DPY19L2: variants seen among roughly 807,000 people sequenced by gnomAD.
DPY19L2 encodes dpy-19 like 2.
DPY19L2 carries 34 observed loss-of-function variants against 97.9 expected under a neutral mutation model. That is an observed-to-expected ratio of 0.35 (90% CI 0.26 to 0.46). DPY19L2 has a LOEUF of 0.46. Among genes scored for constraint, DPY19L2 ranks in the 20% least tolerant of loss-of-function variants. DPY19L2 has a pLI of 1.00. For synonymous variants in DPY19L2, 230 were observed against 307.9 expected, an observed-to-expected ratio of 0.75 and a Z score of 2.65; for missense variants, 623 against 911.4, an observed-to-expected ratio of 0.68 and a Z score of 4.07.
At chr12:63,563,798 C>G (rs1243678270) in intron 21 of DPY19L2, among the ~76,000 whole-genome samples, 1 of 151,970 alleles carries the variant, frequency 6.6e-6, no homozygotes, top group Non-Finnish European at 1.5e-5. Context: ...AGTAATCCCT[C>G]CTTTTGAATT....
chr12:63,610,116 CTATCTT>C (rs1886698146), intron 11 of DPY19L2, among the ~76,000 whole-genome samples: 1 of 146,108 alleles, frequency 6.8e-6, no homozygotes, highest in South Asian at 2.2e-4. Flanking sequence ...AGGCAAAAGA[CTATCTT>C]TAATATAAGA....
intron 4 of DPY19L2, among the ~76,000 whole-genome samples, chr12:63,648,687 G>T (rs1314557768): frequency 2.0e-5 from 3 of 151,936 alleles, no homozygotes; most frequent in Non-Finnish European, 4.4e-5. Flanking sequence ...CAACAAGATG[G>T]TGCCTTCCCC....
At chr12:63,645,054 C>T (rs1305391388) in intron 5 of DPY19L2, among the ~76,000 whole-genome samples, 1 of 149,350 alleles carries the variant, frequency 6.7e-6, no homozygotes, top group South Asian at 2.2e-4. Flanking sequence ...TTATGTATAG[C>T]TAGAATCTTA....
intron 16 of DPY19L2, among the ~76,000 whole-genome samples, chr12:63,593,121 A>T (rs1883448468): frequency 6.6e-6 from 1 of 152,072 alleles, no homozygotes; most frequent in African/African-American, 2.4e-5. Flanking sequence ...AATGGCGATC[A>T]TTAAAAAGTC....
At chr12:63,560,720 T>C (rs1347577713) in intron 21 of DPY19L2, 58 bp from the exon 22 acceptor site, 2 of 1,586,588 alleles carry the variant, frequency 1.3e-6, no homozygotes, top group Non-Finnish European at 1.7e-6. Context: ...CTAGAGACAA[T>C]AGATACATAA....
chr12:63,651,758 TA>T, intron 4 of DPY19L2: 1 of 347,370 alleles, frequency 2.9e-6, no homozygotes. Context: ...GCTTCATGAA[TA>T]AAGAGCTGGC....
intron 17 of DPY19L2, among the ~76,000 whole-genome samples, chr12:63,583,494 G>A (rs1179055906): frequency 6.6e-6 from 1 of 152,178 alleles, no homozygotes; most frequent in African/African-American, 2.4e-5. Flanking sequence ...CCAGTCACAG[G>A]GCCAAGGGTG....
At position 63,630,741 on chromosome 12, in the gene DPY19L2, C is replaced by A. The variant is rs149707375; in HGVS notation, c.804-4215G>T. Among the ~76,000 whole-genome samples, 265 of 152,210 alleles carry A rather than the reference C, an allele frequency of 1.7e-3. 1 individual carries two copies. Among genetic ancestry groups the A allele is most frequent in the African/African-American group, 6.1e-3 (252 of 41,516 alleles). On this transcript the variant is annotated intron_variant, in intron 6 of 21. Coordinates refer to ENST00000324472, the MANE Select transcript of DPY19L2 (RefSeq NM_173812.5). ...CCTAATAGACATCTACAGAACTCTCCATCCCAAATCAACAGAATATACATT... is the reference window on the plus strand; with the variant it reads ...CCTAATAGACATCTACAGAACTCTCAATCCCAAATCAACAGAATATACATT...
intron 16 of DPY19L2, among the ~76,000 whole-genome samples, chr12:63,590,432 A>G (rs1248036535): frequency 6.6e-6 from 1 of 152,170 alleles, no homozygotes. Context: ...GAATAAGTGT[A>G]CCAAGATACA....
intron 21 of DPY19L2, 52 bp downstream of exon 21, chr12:63,569,172 C>T (rs370522174): frequency 6.3e-5 from 96 of 1,528,944 alleles, no homozygotes; most frequent in Non-Finnish European, 6.4e-5. Context: ...TAAAGTGAAA[C>T]ATTTGTTGCT....
intron 11 of DPY19L2, among the ~76,000 whole-genome samples, chr12:63,612,791 GA>G (rs572883084): frequency 2.7e-5 from 4 of 149,390 alleles, no homozygotes; most frequent in African/African-American, 4.9e-5. Context: ...AGACTGATCA[GA>G]AAAAAAAATA....
intron 19 of DPY19L2, among the ~76,000 whole-genome samples, chr12:63,578,770 G>A (rs1431669627): frequency 6.6e-6 from 1 of 152,120 alleles, no homozygotes; most frequent in Non-Finnish European, 1.5e-5. Flanking sequence ...ATGACAAGCT[G>A]TTAAGCTAGA....
chr12:63,587,043 T>C (rs1360666253), intron 16 of DPY19L2, among the ~76,000 whole-genome samples: 1 of 151,454 alleles, frequency 6.6e-6, no homozygotes, highest in Non-Finnish European at 1.5e-5. Flanking sequence ...ATGAGAAATA[T>C]ACCTAAACCA....
rs754169944 is a variant in DPY19L2, at chr12:63,624,026, T to G, written c.953+14A>C. 1 of 1,585,402 alleles carries G rather than the reference T, an allele frequency of 6.3e-7. No homozygotes were observed. The highest frequency in any genetic ancestry group is 8.6e-7 in the Non-Finnish European group (1 of 1,156,400). On this transcript the variant is annotated intron_variant, in intron 8 of 21. Coordinates refer to ENST00000324472, the MANE Select transcript of DPY19L2 (RefSeq NM_173812.5). ...TTATAATTTATTTGCCTTCGTTTTA[T>G]AAATCGAAGTTACCTGAGAATCAAA...
At chr12:63,569,575 T>A (rs1382139004) in intron 20 of DPY19L2, 3 of 327,168 alleles carry the variant, frequency 9.2e-6, no homozygotes, top group Non-Finnish European at 1.8e-5. Context: ...TACTGCTCAT[T>A]ACTGTATAAG....
In DPY19L2 at chr12:63,571,638, A is replaced by G. The variant is rs188247950; in HGVS notation, c.1901-781T>C. Among the ~76,000 whole-genome samples, 81 of 152,242 alleles carry G rather than the reference A, an allele frequency of 5.3e-4. 1 individual carries two copies. The highest frequency in any genetic ancestry group is 1.9e-3 in the African/African-American group (80 of 41,528). ...GGAAAGCATTGTTTTCTTCCCGCAG[A>G]TCATCTTTAAGTTCTCAGAGTTACC... On this transcript the variant is annotated intron_variant, in intron 19 of 21. Transcript: ENST00000324472.
At chr12:63,633,687 C>T (rs555433401) in intron 6 of DPY19L2, among the ~76,000 whole-genome samples, 24 of 152,088 alleles carry the variant, frequency 1.6e-4, no homozygotes, top group Non-Finnish European at 1.3e-4. Flanking sequence ...GTAGAAATAC[C>T]GTTTGACCCA....
chr12:63,565,249 G>A (rs1877436804), intron 21 of DPY19L2, among the ~76,000 whole-genome samples: 1 of 152,178 alleles, frequency 6.6e-6, no homozygotes, highest in Non-Finnish European at 1.5e-5. Flanking sequence ...ACCACAAACA[G>A]TTGCTTAAAG....
intron 4 of DPY19L2, 180 bp downstream of exon 4, chr12:63,661,164 A>T: frequency 2.1e-6 from 1 of 483,504 alleles, no homozygotes; most frequent in Non-Finnish European, 3.4e-6. Context: ...ATGAGAGAAC[A>T]GTTTCTGGGG....
Sources: gnomAD v4.1 joint callset for allele counts (sites outside exome capture counted in the v4.1 genomes callset) on GRCh38, gnomAD v4.1.1 for gene constraint, MANE v1.5 for transcripts, NCBI Gene and HGNC (gene_info 2026-07-23, HGNC 2026-07-21) for gene names.